Variants in ELAVL4 observed in about 807,000 individuals in gnomAD.
ELAVL4 encodes ELAV like RNA binding protein 4.
A neutral mutation model predicts 35.6 loss-of-function variants in ELAVL4; 1 was observed. That is an observed-to-expected ratio of 0.03 (90% CI 0.01 to 0.13). The LOEUF (loss-of-function observed/expected upper bound fraction) is 0.13. ELAVL4 is among the 10% of genes least tolerant of loss of function. ELAVL4 has a pLI of 1.00. For missense variants in ELAVL4, 267 were observed against 464.9 expected (o/e 0.57, Z 3.91); for synonymous variants, 156 against 171.0 (o/e 0.91, Z 0.69).
intron 1 of ELAVL4, among the ~76,000 whole-genome samples, chr1:50,142,480 G>A (rs1672989877): frequency 1.3e-5 from 2 of 152,178 alleles, no homozygotes; most frequent in Admixed American, 1.3e-4. Context: ...TGGGATTACA[G>A]GTGTGAGCCA....
intron 1 of ELAVL4, among the ~76,000 whole-genome samples, chr1:50,098,026 A>C: frequency 6.6e-6 from 1 of 152,212 alleles, no homozygotes; most frequent in East Asian, 1.9e-4. Flanking sequence ...ACAAGATGTA[A>C]GTTTTAATGG....
At position 50,202,337 on chromosome 1, in the gene ELAVL4, G is replaced by A. The variant is rs1644422617; in HGVS notation, c.*1159G>A. 1 of 152,150 alleles carries A rather than the reference G, an allele frequency of 6.6e-6. No homozygotes were observed. The highest frequency in any genetic ancestry group is 2.1e-4 in the South Asian group (1 of 4,826). The allele number at this position is 152,150 out of a possible 1,614,324, so 9.4% of individuals were successfully genotyped here. Reference sequence around the variant, plus strand: ...ATCTAAAACTTCCTTAGTTTGAGCAGTAGGTGCTACAAAATTATTTACATA... The same window carrying A: ...ATCTAAAACTTCCTTAGTTTGAGCAATAGGTGCTACAAAATTATTTACATA... On this transcript the variant is annotated 3_prime_UTR_variant, in exon 7 of 7. Coordinates refer to ENST00000371824, the MANE Select transcript of ELAVL4 (RefSeq NM_001144774.3).
At chr1:50,097,800 C>T (rs1458943408) in intron 1 of ELAVL4, among the ~76,000 whole-genome samples, 1 of 152,132 alleles carries the variant, frequency 6.6e-6, no homozygotes, top group Non-Finnish European at 1.5e-5. Context: ...TTTAGCTATC[C>T]ATATCATGGA....
chr1:50,095,203 G>A (rs778306901), intron 1 of ELAVL4, among the ~76,000 whole-genome samples: 3 of 152,100 alleles, frequency 2.0e-5, no homozygotes, highest in African/African-American at 4.8e-5. Flanking sequence ...GCTCAAACCC[G>A]TCTTTTGACT....
intron 3 of ELAVL4, chr1:50,180,012 T>C (rs1425705769): frequency 1.3e-5 from 2 of 151,996 alleles, no homozygotes; most frequent in Admixed American, 1.3e-4. Context: ...TTCCTGCCAA[T>C]CTCCCAATTT....
At chr1:50,120,438 A>T (rs938592435) in intron 1 of ELAVL4, among the ~76,000 whole-genome samples, 1 of 152,056 alleles carries the variant, frequency 6.6e-6, no homozygotes, top group Admixed American at 6.6e-5. Flanking sequence ...TTGTGTAAAG[A>T]TAAAGCTAGA....
At chr1:50,192,564 C>T (rs1682834299) in intron 3 of ELAVL4, among the ~76,000 whole-genome samples, 1 of 149,358 alleles carries the variant, frequency 6.7e-6, no homozygotes, top group Non-Finnish European at 1.5e-5. Flanking sequence ...CACACACACA[C>T]TCTCACCCCT....
chr1:50,144,615 C>T, intron 1 of ELAVL4: 1 of 487,062 alleles, frequency 2.1e-6, no homozygotes, highest in Non-Finnish European at 3.9e-6. Flanking sequence ...ATGATTATTA[C>T]TTTACATTTT....
chr1:50,164,910 A>T (rs1677470308), intron 2 of ELAVL4, among the ~76,000 whole-genome samples: 1 of 152,214 alleles, frequency 6.6e-6, no homozygotes. Flanking sequence ...CAATAATGTC[A>T]TGGGCCCTTT....
chr1:50,167,085 A>G (rs1309206469), intron 2 of ELAVL4, among the ~76,000 whole-genome samples: 1 of 152,068 alleles, frequency 6.6e-6, no homozygotes, highest in Non-Finnish European at 1.5e-5. Flanking sequence ...AATCCTGGCT[A>G]TGGGAGAAAC....
intron 1 of ELAVL4, among the ~76,000 whole-genome samples, chr1:50,133,441 A>G (rs1264879614): frequency 6.6e-6 from 1 of 152,078 alleles, no homozygotes; most frequent in Non-Finnish European, 1.5e-5. Flanking sequence ...TCCTGCCTCC[A>G]CTACCTTCCC....
intron 1 of ELAVL4, among the ~76,000 whole-genome samples, chr1:50,053,373 C>T (rs911568041): frequency 3.3e-5 from 5 of 152,052 alleles, no homozygotes; most frequent in Admixed American, 6.6e-5. Flanking sequence ...GTTTTTGAGA[C>T]GGTCTTGCTC....
At chr1:50,122,607 A>C (rs1669218492) in intron 1 of ELAVL4, among the ~76,000 whole-genome samples, 1 of 152,096 alleles carries the variant, frequency 6.6e-6, no homozygotes, top group East Asian at 1.9e-4. Context: ...GAGCTCCTAA[A>C]ACTGGCAGCA....
At chr1:50,180,024 T>G (rs1680763752) in intron 3 of ELAVL4, 1 of 152,060 alleles carries the variant, frequency 6.6e-6, no homozygotes, top group African/African-American at 2.4e-5. Context: ...TCCCAATTTT[T>G]AAAAGCTAGA....
intron 1 of ELAVL4, among the ~76,000 whole-genome samples, chr1:50,137,687 C>A (rs1672115308): frequency 6.6e-6 from 1 of 152,122 alleles, no homozygotes; most frequent in African/African-American, 2.4e-5. Context: ...GACATGTGGA[C>A]CCTTCATCAA....
intron 2 of ELAVL4, 30 bp downstream of exon 2, chr1:50,145,227 C>G: frequency 6.2e-7 from 1 of 1,612,082 alleles, no homozygotes; most frequent in Non-Finnish European, 8.5e-7. Flanking sequence ...CTATGTTGTT[C>G]CATTAGATGT....
chr1:50,192,384 T>G (rs781005920), intron 3 of ELAVL4, among the ~76,000 whole-genome samples: 4 of 152,192 alleles, frequency 2.6e-5, no homozygotes. Context: ...ATCCTTCATC[T>G]TCTTTGCTAG....
At chr1:50,185,221 C>T (rs925135065) in intron 3 of ELAVL4, among the ~76,000 whole-genome samples, 2 of 152,210 alleles carry the variant, frequency 1.3e-5, no homozygotes, top group African/African-American at 4.8e-5. Flanking sequence ...CCACACTCCT[C>T]TTCCTTCTCC....
intron 2 of ELAVL4, 50 bp downstream of exon 2, chr1:50,145,247 A>T (rs1335431606): frequency 6.2e-7 from 1 of 1,607,982 alleles, no homozygotes; most frequent in Admixed American, 1.7e-5. Flanking sequence ...TGCAGATCTT[A>T]GCAGAAATGC....
Sources: gnomAD v4.1 joint callset for allele counts (sites outside exome capture counted in the v4.1 genomes callset) on GRCh38, gnomAD v4.1.1 for gene constraint, MANE v1.5 for transcripts, NCBI Gene and HGNC (gene_info 2026-07-23, HGNC 2026-07-21) for gene names.